BCKDHB: variants seen among roughly 807,000 people sequenced by gnomAD.
BCKDHB encodes the protein 2-oxoisovalerate dehydrogenase subunit beta, mitochondrial.
BCKDHB carries 41 observed loss-of-function variants against 48.5 expected under a neutral mutation model. The ratio of observed to expected loss-of-function variants is 0.85; its 90% confidence interval spans 0.66 to 1.10. The LOEUF (loss-of-function observed/expected upper bound fraction) is 1.10. BCKDHB is among the 50% of genes least tolerant of loss of function. BCKDHB has a pLI of 0.00. For missense variants in BCKDHB, 496 were observed against 494.2 expected, an observed-to-expected ratio of 1.00 and a Z score of -0.03; for synonymous variants, 201 against 174.8, an observed-to-expected ratio of 1.15 and a Z score of -1.18.
chr6:80,126,116 A>C (rs905729798), intron 1 of BCKDHB, among the ~76,000 whole-genome samples: 3 of 152,162 alleles, frequency 2.0e-5, no homozygotes, highest in African/African-American at 7.2e-5. Context: ...ATAATATTTG[A>C]GTAAATTCGT....
chr6:80,200,140 C>T (rs1774321899), intron 6 of BCKDHB, among the ~76,000 whole-genome samples: 1 of 148,688 alleles, frequency 6.7e-6, no homozygotes, highest in South Asian at 2.2e-4. Flanking sequence ...CAACTTCGTA[C>T]TCAATTTTAT....
rs1287923032 is a variant in BCKDHB at position 80,224,962 on chromosome 6, C to G, written c.951+21750C>G. Among the ~76,000 whole-genome samples, 5 of 152,186 alleles carry G rather than the reference C, an allele frequency of 3.3e-5. No individual in the cohort carries two copies. In the South Asian group the frequency reaches 1.0e-3, roughly 32 times the overall value. ...CAACCAGTTCTTTTGTTGTGCGGTT[C>G]TAGTTGTTACAGTTTTCCATTGTTG... On this transcript the variant is annotated intron_variant, in intron 8 of 9. Transcript: ENST00000320393.
At chr6:80,133,810 T>G (rs1315218005) in intron 3 of BCKDHB, among the ~76,000 whole-genome samples, 3 of 151,980 alleles carry the variant, frequency 2.0e-5, no homozygotes, top group Non-Finnish European at 2.9e-5. Context: ...ACCTGGCTAA[T>G]TTTTGTATTT....
chr6:80,169,370 T>C (rs1772776253), intron 5 of BCKDHB, among the ~76,000 whole-genome samples: 1 of 152,198 alleles, frequency 6.6e-6, no homozygotes, highest in Non-Finnish European at 1.5e-5. Flanking sequence ...CTTTCTCACT[T>C]AACTGATGAT....
At chr6:80,329,914 G>A (rs1366447567) in intron 9 of BCKDHB, among the ~76,000 whole-genome samples, 1 of 152,112 alleles carries the variant, frequency 6.6e-6, no homozygotes, top group Admixed American at 6.6e-5. Context: ...ACTCTATGAG[G>A]ATAGGGACAT....
At chr6:80,400,763 G>A in the BCKDHB span, among the ~76,000 whole-genome samples, 77 of 152,026 alleles carry the variant, frequency 5.1e-4, no homozygotes, top group African/African-American at 1.8e-3. Context: ...ACACATGCAT[G>A]CATATGTTGA....
intron 6 of BCKDHB, among the ~76,000 whole-genome samples, chr6:80,192,667 A>G (rs1773951035): frequency 6.6e-6 from 1 of 152,206 alleles, no homozygotes; most frequent in Non-Finnish European, 1.5e-5. Flanking sequence ...TGTTAAATAT[A>G]CTGATGCATA....
the BCKDHB span, among the ~76,000 whole-genome samples, chr6:80,419,611 C>T: frequency 6.6e-6 from 1 of 152,200 alleles, no homozygotes; most frequent in Non-Finnish European, 1.5e-5. Context: ...GCTTGCTACC[C>T]CTGCCATTTG....
At chr6:80,145,258 CTCT>C (rs1243472283) in intron 3 of BCKDHB, among the ~76,000 whole-genome samples, 1 of 152,162 alleles carries the variant, frequency 6.6e-6, no homozygotes, top group Non-Finnish European at 1.5e-5. Context: ...CTTGCCTGTC[CTCT>C]TCTTTATTGT....
chr6:80,146,075 C>T (rs1771471283), intron 3 of BCKDHB, among the ~76,000 whole-genome samples: 1 of 152,124 alleles, frequency 6.6e-6, no homozygotes, highest in Non-Finnish European at 1.5e-5. Flanking sequence ...CCATATGCTG[C>T]AATACTGACA....
At chr6:80,408,990 G>T in the BCKDHB span, among the ~76,000 whole-genome samples, 1 of 151,890 alleles carries the variant, frequency 6.6e-6, no homozygotes. Flanking sequence ...GATCTTTCTT[G>T]CTTTCTTTTG....
In BCKDHB at chr6:80,155,611, A is replaced by T. The variant is rs116550441; in HGVS notation, c.344-12067A>T. Reference sequence around the variant, plus strand: ...ATGTGCTCTTTTCATACCCAACCATAGTTTTTACAGATCATTGAATTATCA... The same window carrying T: ...ATGTGCTCTTTTCATACCCAACCATTGTTTTTACAGATCATTGAATTATCA... On this transcript the variant is annotated intron_variant, in intron 3 of 9. Coordinates refer to ENST00000320393, the MANE Select transcript of BCKDHB (RefSeq NM_183050.4). Among the ~76,000 whole-genome samples, 1,423 of 152,204 alleles carry T rather than the reference A, an allele frequency of 9.3e-3. 30 individuals are homozygous for T. The highest frequency in any genetic ancestry group is 0.033 in the African/African-American group (1,354 of 41,570).
chr6:80,409,310 A>C, the BCKDHB span, among the ~76,000 whole-genome samples: 1 of 151,846 alleles, frequency 6.6e-6, no homozygotes, highest in South Asian at 2.1e-4. Context: ...TATGTGGTCA[A>C]TTTTAGAATA....
chr6:80,415,702 T>G, the BCKDHB span, among the ~76,000 whole-genome samples: 11 of 152,174 alleles, frequency 7.2e-5, no homozygotes, highest in Admixed American at 4.6e-4. Context: ...TTTGCATCAA[T>G]GTTCATTAAG....
chr6:80,121,925 G>C (rs894526972), intron 1 of BCKDHB, among the ~76,000 whole-genome samples: 2 of 152,124 alleles, frequency 1.3e-5, no homozygotes, highest in Non-Finnish European at 2.9e-5. Flanking sequence ...TCCTTGTCTC[G>C]TGCCAGTTTT....
the BCKDHB span, among the ~76,000 whole-genome samples, chr6:80,432,198 CT>C: frequency 6.6e-6 from 1 of 151,404 alleles, no homozygotes; most frequent in African/African-American, 2.4e-5. Context: ...GAGGTGTTCT[CT>C]GTATTTCCTG....
At chr6:80,290,468 G>T (rs1766855865) in intron 9 of BCKDHB, among the ~76,000 whole-genome samples, 1 of 152,214 alleles carries the variant, frequency 6.6e-6, no homozygotes, top group African/African-American at 2.4e-5. Flanking sequence ...GCCCACTGCG[G>T]AGCATGCCTG....
the BCKDHB span, among the ~76,000 whole-genome samples, chr6:80,432,876 T>G: frequency 1.3e-5 from 2 of 152,218 alleles, no homozygotes; most frequent in Non-Finnish European, 2.9e-5. Flanking sequence ...GTGGATGTGC[T>G]CTTCCTTTCT....
rs1350590893 is a variant in BCKDHB at position 80,167,689 on chromosome 6, G to GT, written c.360dup (p.Asn121Ter). 4 of 1,609,882 alleles carry GT rather than the reference G, an allele frequency of 2.5e-6. No individual in the cohort carries two copies. In the South Asian group the frequency reaches 4.4e-5, roughly 18 times the overall value. On this transcript the variant is annotated frameshift_variant, in exon 4 of 10. Transcript: ENST00000320393. LOFTEE classifies it high-confidence loss of function. ...TTTTCTATTTTAAGGAAAAGATAGAGTTTTTAATACCCCATTGTGTGAACA... is the reference window on the plus strand; with the variant it reads ...TTTTCTATTTTAAGGAAAAGATAGAGTTTTTTAATACCCCATTGTGTGAACA...
Sources: gnomAD v4.1 joint callset for allele counts (sites outside exome capture counted in the v4.1 genomes callset) on GRCh38, gnomAD v4.1.1 for gene constraint, MANE v1.5 for transcripts, NCBI Gene and HGNC (gene_info 2026-07-23, HGNC 2026-07-21) for gene names.